DDX60L: variants seen among roughly 807,000 people sequenced by gnomAD.
DDX60L encodes the protein DExD/H-box 60 like, also known as probable ATP-dependent RNA helicase DDX60-like.
In DDX60L, 191 loss-of-function variants were observed where a neutral mutation model predicts 211.6. The observed-to-expected ratio is 0.90, with a 90% CI of 0.80 to 1.02. DDX60L has a LOEUF of 1.02. Among genes scored for constraint, DDX60L ranks in the 50% least tolerant of loss-of-function variants. The pLI, the probability that DDX60L is intolerant of heterozygous loss-of-function variation, is 0.00. For synonymous variants in DDX60L, 706 were observed against 694.1 expected (o/e 1.02, Z -0.27); for missense variants, 2,007 against 1,984.1 (o/e 1.01, Z -0.22).
chr4:168,453,318 G>A (rs749568519), intron 7 of DDX60L, 36 bp from the exon 8 acceptor site: 3 of 1,571,932 alleles, frequency 1.9e-6, no homozygotes, highest in African/African-American at 1.4e-5. Flanking sequence ...CAGTCACAAT[G>A]TCACGCTGTG....
rs752360957 is a variant in DDX60L at position 168,471,919 on chromosome 4, T to C, written c.92A>G (p.Asn31Ser). The C allele has an allele frequency of 1.2e-6, 2 of 1,603,818 alleles. No homozygotes were observed. The highest frequency in any genetic ancestry group is 2.2e-5 in the East Asian group (1 of 44,756). Residue 31 changes from asparagine (N) to serine (S), a missense_variant, in exon 4 of 38, where the codon AAT becomes AGT. Transcript: ENST00000682922. Reference protein sequence around the residue: ...MPKAGYSSILNDFVESNFFVI... With the variant: ...MPKAGYSSILSDFVESNFFVI... ...AAAAAAATTAGATTCCACAAAATCA[T>C]TTAATATGCTGGAATACCTAAAATA...
intron 9 of DDX60L, among the ~76,000 whole-genome samples, chr4:168,447,714 C>T (rs1393812313): frequency 2.6e-5 from 4 of 151,546 alleles, no homozygotes; most frequent in Non-Finnish European, 5.9e-5. Context: ...ATGATGAGTT[C>T]ATGTCCTTTG....
Position 168,471,880 on chromosome 4 carries a change from T to C in DDX60L, c.131A>G (p.Asp44Gly), listed in dbSNP as rs781501889. 14 of 1,611,042 alleles carry C rather than the reference T, an allele frequency of 8.7e-6. No homozygotes were observed. The South Asian group carries it at 1.4e-4, about 17-fold the overall frequency. Residue 44 changes from aspartate to glycine, a missense_variant, in exon 4 of 38, where the codon GAT becomes GGT. Coordinates refer to ENST00000682922, the MANE Select transcript of DDX60L (RefSeq NM_001012967.3). Reference protein sequence around the residue: ...VESNFFVIDGDSLLVTCLGVK... With the variant: ...VESNFFVIDGGSLLVTCLGVK... ...ACCCAGGCATGTGACAAGCAAGGAA[T>C]CTCCATCAATCACAAAAAAATTAGA... is the stretch of plus-strand genomic sequence containing the variant.
chr4:168,412,649 A>G (rs534020254), intron 22 of DDX60L, among the ~76,000 whole-genome samples: 1 of 152,178 alleles, frequency 6.6e-6, no homozygotes, highest in Non-Finnish European at 1.5e-5. Context: ...CCACCTACTG[A>G]TTGTAGAGTC....
intron 6 of DDX60L, among the ~76,000 whole-genome samples, chr4:168,457,291 C>CACAT (rs1756710796): frequency 6.1e-5 from 9 of 148,678 alleles, no homozygotes; most frequent in South Asian, 2.1e-4. Context: ...CACACACACA[C>CACAT]ATACACACAC....
intron 26 of DDX60L, among the ~76,000 whole-genome samples, chr4:168,400,138 T>C (rs935351749): frequency 6.6e-6 from 1 of 152,196 alleles, no homozygotes; most frequent in Non-Finnish European, 1.5e-5. Context: ...GTTCCTGCAT[T>C]AGTTTGCTAA....
chr4:168,411,684 T>C (rs1324335402), intron 22 of DDX60L, among the ~76,000 whole-genome samples: 1 of 152,106 alleles, frequency 6.6e-6, no homozygotes, highest in Non-Finnish European at 1.5e-5. Flanking sequence ...CTACAATTCC[T>C]GGGCAAGTCA....
chr4:168,468,001 T>C (rs532233100), intron 4 of DDX60L, among the ~76,000 whole-genome samples: 5 of 152,184 alleles, frequency 3.3e-5, no homozygotes, highest in African/African-American at 1.2e-4. Flanking sequence ...ACCCCATCTT[T>C]GCTAAAAATA....
chr4:168,457,145 G>A (rs1315613294), intron 6 of DDX60L, among the ~76,000 whole-genome samples: 1 of 151,922 alleles, frequency 6.6e-6, no homozygotes, highest in Non-Finnish European at 1.5e-5. Context: ...GAGCCTGGGA[G>A]GTCAAGGCTG....
intron 20 of DDX60L, 137 bp downstream of exon 20, chr4:168,416,545 C>T (rs1407130926): frequency 1.0e-5 from 5 of 501,358 alleles, no homozygotes; most frequent in Non-Finnish European, 6.5e-6. Flanking sequence ...AAAGCAAGAC[C>T]ACTGACGTTT....
chr4:168,467,514 G>A (rs1382128030), intron 4 of DDX60L, among the ~76,000 whole-genome samples: 1 of 146,974 alleles, frequency 6.8e-6, no homozygotes, highest in African/African-American at 2.5e-5. Context: ...TAGGCAATAA[G>A]AGGAAAATAA....
chr4:168,382,632 G>C (rs2149686940), intron 30 of DDX60L, among the ~76,000 whole-genome samples: 1 of 151,786 alleles, frequency 6.6e-6, no homozygotes, highest in South Asian at 2.1e-4. Flanking sequence ...ATTTCATATT[G>C]ATCTAATTAA....
At chr4:168,447,665 G>C (rs1487004191) in intron 9 of DDX60L, among the ~76,000 whole-genome samples, 1 of 151,052 alleles carries the variant, frequency 6.6e-6, no homozygotes, top group South Asian at 2.1e-4. Context: ...AAGAAAATGC[G>C]GCACATATAC....
At chr4:168,416,827 G>C in intron 19 of DDX60L, 30 bp from the exon 20 acceptor site, 2 of 1,244,402 alleles carry the variant, frequency 1.6e-6, no homozygotes, top group Non-Finnish European at 2.3e-6. Flanking sequence ...CAGTTGAAAA[G>C]TTGATGTCAA....
intron 1 of DDX60L, among the ~76,000 whole-genome samples, chr4:168,475,172 C>G (rs1420784783): frequency 1.3e-5 from 2 of 152,192 alleles, no homozygotes; most frequent in African/African-American, 2.4e-5. Context: ...ATCTCTGTTT[C>G]TGTTTCCTGT....
At chr4:168,443,167 C>G in intron 9 of DDX60L, among the ~76,000 whole-genome samples, 1 of 151,902 alleles carries the variant, frequency 6.6e-6, no homozygotes, top group Non-Finnish European at 1.5e-5. Flanking sequence ...ATAACCAATA[C>G]AGAGAAGTGC....
intron 28 of DDX60L, among the ~76,000 whole-genome samples, chr4:168,393,445 G>A (rs578050578): frequency 6.6e-5 from 10 of 152,150 alleles, no homozygotes; most frequent in South Asian, 4.2e-4. Flanking sequence ...GCAGTGAGCC[G>A]AGATTATGCC....
chr4:168,449,715 G>GA (rs748492140), intron 8 of DDX60L, among the ~76,000 whole-genome samples: 6 of 127,740 alleles, frequency 4.7e-5, no homozygotes, highest in East Asian at 2.2e-4. Flanking sequence ...GAAAGAGGCT[G>GA]AAACTGAAAA....
At chr4:168,395,710 A>C (rs2149745761) in intron 27 of DDX60L, 2 of 348,174 alleles carry the variant, frequency 5.7e-6, no homozygotes, top group South Asian at 1.3e-4. Flanking sequence ...ATCAGGCTAT[A>C]AACTAATCCA....
Sources: allele counts gnomAD v4.1 joint callset (sites outside exome capture counted in the v4.1 genomes callset), GRCh38; gene constraint gnomAD v4.1.1; transcripts MANE v1.5; gene names NCBI Gene and HGNC (gene_info 2026-07-23, HGNC 2026-07-21).